The following IFT57 variants were observed in gnomAD, a reference collection of about 807,000 sequenced individuals.
IFT57 encodes the protein intraflagellar transport protein 57 homolog.
In IFT57, 59 loss-of-function variants were observed where a neutral mutation model predicts 56.8. The ratio of observed to expected loss-of-function variants is 1.04; its 90% CI spans 0.84 to 1.29. IFT57 has a LOEUF of 1.29. IFT57 is among the 50% of genes most tolerant of loss of function. IFT57 has a pLI of 0.00. For missense variants in IFT57, 470 were observed against 522.1 expected (o/e 0.90, Z 0.97); for synonymous variants, 209 against 186.1 (o/e 1.12, Z -1.00).
At chr3:108,186,549 C>G (rs2080184229) in intron 6 of IFT57, among the ~76,000 whole-genome samples, 2 of 152,102 alleles carry the variant, frequency 1.3e-5, no homozygotes, top group South Asian at 4.1e-4. Context: ...TTCAAGACTA[C>G]TTTGGACTTG....
chr3:108,166,607 T>C (rs2080064642), intron 8 of IFT57, among the ~76,000 whole-genome samples: 1 of 152,088 alleles, frequency 6.6e-6, no homozygotes, highest in Admixed American at 6.6e-5. Flanking sequence ...CCCAACAGCA[T>C]ATGCCTTCAT....
At chr3:108,180,101 A>T (rs2080144202) in intron 6 of IFT57, among the ~76,000 whole-genome samples, 1 of 152,026 alleles carries the variant, frequency 6.6e-6, no homozygotes, top group African/African-American at 2.4e-5. Context: ...TCTCACACCT[A>T]CCTATCACAG....
Position 108,219,500 on chromosome 3 carries a change from A to C in IFT57, c.285T>G (p.Ile95Met). The C allele has an allele frequency of 6.2e-7, 1 of 1,613,696 alleles. No individual in the cohort carries two copies. The highest frequency in any genetic ancestry group is 2.2e-5 in the East Asian group (1 of 44,872). The change falls in exon 2 of 11, where the codon ATT becomes ATG. Residue 95 changes from isoleucine (I) to methionine (M), a missense_variant. Physicochemically the swap from Ile to Met is conservative, Grantham distance 10 (BLOSUM62 1). Transcript: ENST00000264538. ...GCTCAAAGGGACGTCCCGCTTTATT[A>C]ATCAACCAAGCAGCAAGAGTACAAA... ...YMFCTLAAWL[I>M]NKAGRPFEQP...
intron 5 of IFT57, among the ~76,000 whole-genome samples, chr3:108,205,984 T>A: frequency 3.0e-5 from 1 of 32,984 alleles, no homozygotes; most frequent in African/African-American, 6.4e-5. Context: ...ATATATAATA[T>A]ATAATATATT....
chr3:108,178,148 T>C (rs895285199), intron 6 of IFT57, among the ~76,000 whole-genome samples: 7 of 151,878 alleles, frequency 4.6e-5, no homozygotes, highest in African/African-American at 1.7e-4. Flanking sequence ...CACACATACA[T>C]GCTCACTTGA....
At chr3:108,218,216 GT>G (rs2080383937) in intron 3 of IFT57, among the ~76,000 whole-genome samples, 1 of 151,610 alleles carries the variant, frequency 6.6e-6, no homozygotes, top group Non-Finnish European at 1.5e-5. Context: ...ATGTTTGTGT[GT>G]GTGAACATAT....
chr3:108,219,587 G>C lies in IFT57; in HGVS notation c.213-15C>G. The C allele has an allele frequency of 6.2e-7, 1 of 1,611,382 alleles. No individual in the cohort carries two copies. Among genetic ancestry groups the C allele is most frequent in the Non-Finnish European group, 8.5e-7 (1 of 1,177,720 alleles). The stretch of plus-strand genomic sequence containing the variant: ...CAAAATAGTGTCTGTTTCAAAACAA[G>C]GAGGAATGGGGGCGGATGTGAAATA... On this transcript the variant is annotated splice_polypyrimidine_tract_variant and intron_variant, in intron 1 of 10. Coordinates refer to ENST00000264538, the MANE Select transcript of IFT57 (RefSeq NM_018010.4).
rs2108314720 is a variant in IFT57, at chr3:108,183,619, C to G, written c.777+7902G>C. 2.0e-5 allele frequency among the ~76,000 whole-genome samples: 3 copies of G among 152,230 alleles called. 1 individual carries two copies. The Middle Eastern group carries it at 0.01, about 518-fold the overall frequency. Reference sequence around the variant, plus strand: ...TCCACTAAAAATCATTTAAATTTTCCTACCTGCTTTTGAGTCTTTGCCAAA... The same window carrying G: ...TCCACTAAAAATCATTTAAATTTTCGTACCTGCTTTTGAGTCTTTGCCAAA... On this transcript the variant is annotated intron_variant, in intron 6 of 10. Coordinates refer to ENST00000264538, the MANE Select transcript of IFT57 (RefSeq NM_018010.4).
chr3:108,175,539 T>C (rs3804644), intron 6 of IFT57, among the ~76,000 whole-genome samples: 67,313 of 151,454 alleles, frequency 0.44, 15,456 homozygotes, highest in Middle Eastern at 0.55. Flanking sequence ...AAGTATGAGA[T>C]GTAGTTGCAG....
intron 4 of IFT57, among the ~76,000 whole-genome samples, chr3:108,212,377 A>G (rs186969397): frequency 6.6e-6 from 1 of 152,096 alleles, no homozygotes; most frequent in Admixed American, 6.5e-5. Flanking sequence ...CCCACCCAAC[A>G]ATTTTCAATG....
At chr3:108,172,591 C>A (rs1479235992) in intron 6 of IFT57, among the ~76,000 whole-genome samples, 1 of 151,674 alleles carries the variant, frequency 6.6e-6, no homozygotes. Flanking sequence ...TTAGCCAGGT[C>A]TGAATTAGAG....
chr3:108,186,651 A>G (rs938499351), intron 6 of IFT57, among the ~76,000 whole-genome samples: 5 of 152,160 alleles, frequency 3.3e-5, no homozygotes, highest in African/African-American at 1.2e-4. Context: ...TGAAAAAGCA[A>G]AAAAAGCCAG....
intron 5 of IFT57, among the ~76,000 whole-genome samples, chr3:108,203,639 T>A (rs2080291817): frequency 6.6e-6 from 1 of 152,224 alleles, no homozygotes. Context: ...CAGGCATGTA[T>A]TCATACAATA....
At chr3:108,179,883 T>G (rs761398771) in intron 6 of IFT57, among the ~76,000 whole-genome samples, 2 of 112,848 alleles carry the variant, frequency 1.8e-5, no homozygotes, top group African/African-American at 3.5e-5. Flanking sequence ...TTTTATGCGT[T>G]AAAGAACTAC....
intron 6 of IFT57, among the ~76,000 whole-genome samples, chr3:108,173,442 T>C (rs1434700419): frequency 6.6e-6 from 1 of 151,810 alleles, no homozygotes; most frequent in Non-Finnish European, 1.5e-5. Flanking sequence ...GGGTACAACC[T>C]GATACACCCA....
intron 5 of IFT57, among the ~76,000 whole-genome samples, chr3:108,199,466 C>G (rs1337146760): frequency 6.6e-6 from 1 of 152,040 alleles, no homozygotes; most frequent in African/African-American, 2.4e-5. Flanking sequence ...ATGAATATAA[C>G]TTGTGAAGAT....
rs114469517 is a variant in IFT57, at chr3:108,201,926, T to A, written c.654+4702A>T. Among the ~76,000 whole-genome samples, 36 of 152,328 alleles carry A rather than the reference T, an allele frequency of 2.4e-4. No individual in the cohort carries two copies. In the Middle Eastern group the frequency reaches 0.017, roughly 72 times the overall value. ...TTACTTCCTTTCAGCATTTGCCTTT[T>A]AAGCTAAAAAGTCTCTCATTCTTAC... On this transcript the variant is annotated intron_variant, in intron 5 of 10. Transcript: ENST00000264538.
intron 4 of IFT57, among the ~76,000 whole-genome samples, chr3:108,212,186 T>C (rs115640028): frequency 1.2e-3 from 176 of 152,228 alleles, no homozygotes; most frequent in African/African-American, 4.0e-3. Flanking sequence ...CTCACTATAA[T>C]GCCCAGGTTG....
At chr3:108,207,181 T>A (rs895843002) in intron 4 of IFT57, among the ~76,000 whole-genome samples, 7 of 152,210 alleles carry the variant, frequency 4.6e-5, no homozygotes, top group African/African-American at 1.2e-4. Context: ...ATCTCTGGTA[T>A]GTTCAAGCTT....
Sources: allele counts gnomAD v4.1 joint callset (sites outside exome capture counted in the v4.1 genomes callset), GRCh38; gene constraint gnomAD v4.1.1; transcripts MANE v1.5; gene names NCBI Gene and HGNC (gene_info 2026-07-23, HGNC 2026-07-21).